Variants in SNTG1 observed in about 807,000 individuals in gnomAD.
SNTG1 encodes the protein syntrophin gamma 1.
Under a neutral mutation model 74.7 loss-of-function variants are expected in SNTG1, and 39 were observed. That is an observed-to-expected ratio of 0.52 (90% confidence interval 0.40 to 0.68). SNTG1 has a LOEUF of 0.68. Among genes scored for constraint, SNTG1 ranks in the 30% least tolerant of loss-of-function variants. SNTG1 has a pLI of 0.00. For synonymous variants in SNTG1, 254 were observed against 217.1 expected (o/e 1.17, Z -1.49); for missense variants, 685 against 609.5 (o/e 1.12, Z -1.30).
intron 1 of SNTG1, among the ~76,000 whole-genome samples, chr8:50,079,742 A>G (rs999015751): frequency 6.6e-6 from 1 of 152,064 alleles, no homozygotes; most frequent in Non-Finnish European, 1.5e-5. Flanking sequence ...ATTTTTGTAT[A>G]AGTATAAGAA....
At chr8:50,751,976 AC>A (rs1336435930) in intron 17 of SNTG1, 24 bp from the exon 18 acceptor site, 1 of 1,356,360 alleles carries the variant, frequency 7.4e-7, no homozygotes, top group African/African-American at 2.0e-5. Flanking sequence ...CCACCGACTT[AC>A]ATTGTTTTTT....
At chr8:50,127,720 A>G (rs1271768527) in intron 1 of SNTG1, among the ~76,000 whole-genome samples, 3 of 152,210 alleles carry the variant, frequency 2.0e-5, no homozygotes, top group Non-Finnish European at 2.9e-5. Flanking sequence ...CAAACAGGAT[A>G]TATTTCCAAA....
chr8:50,740,475 C>A lies in SNTG1; in HGVS notation c.1285-11526C>A, dbSNP rs868119604. 3.3e-3 allele frequency among the ~76,000 whole-genome samples: 500 copies of A among 150,914 alleles called. 1 individual carries two copies. Among genetic ancestry groups the A allele is most frequent in the Middle Eastern group, 6.9e-3 (2 of 288 alleles). On this transcript the variant is annotated intron_variant, in intron 17 of 18. Coordinates refer to ENST00000642720, the MANE Select transcript of SNTG1 (RefSeq NM_018967.5). Reference sequence around the variant, plus strand: ...GGCTACCATTAGAAACAAAACAAAACAAAACAAAACAAAAACAATGCTGAC... The same window carrying A: ...GGCTACCATTAGAAACAAAACAAAAAAAAACAAAACAAAAACAATGCTGAC...
intron 1 of SNTG1, among the ~76,000 whole-genome samples, chr8:50,093,529 T>C (rs1209183227): frequency 1.3e-5 from 2 of 152,114 alleles, no homozygotes; most frequent in East Asian, 3.9e-4. Flanking sequence ...GCAACCAAAA[T>C]TCCATGTGGA....
intron 2 of SNTG1, among the ~76,000 whole-genome samples, chr8:50,313,371 A>C (rs2090189797): frequency 6.7e-6 from 1 of 149,834 alleles, no homozygotes; most frequent in South Asian, 2.2e-4. Context: ...TTAACAGGGC[A>C]GAAAGACAAC....
intron 1 of SNTG1, among the ~76,000 whole-genome samples, chr8:49,951,873 C>CAAAAAAAAAA (rs5891338): frequency 2.5e-3 from 140 of 56,296 alleles, no homozygotes; most frequent in East Asian, 3.2e-3. Flanking sequence ...GGAAAATTCA[C>CAAAAAAAAAA]AAAAAAAAAA....
intron 11 of SNTG1, among the ~76,000 whole-genome samples, chr8:50,547,224 C>G (rs1168531564): frequency 6.6e-6 from 1 of 152,154 alleles, no homozygotes; most frequent in African/African-American, 2.4e-5. Flanking sequence ...TGATTGCATT[C>G]CACTTCACAG....
Position 50,269,848 on chromosome 8 carries a change from C to T in SNTG1, c.-28+97213C>T, listed in dbSNP as rs145752526. ...AGTATGTGGGGAGTTACATAAAAGACGTATACACATTTACTCTATGAGCTT... is the reference window on the plus strand; with the variant it reads ...AGTATGTGGGGAGTTACATAAAAGATGTATACACATTTACTCTATGAGCTT... On this transcript the variant is annotated intron_variant, in intron 2 of 18. Coordinates refer to ENST00000642720, the MANE Select transcript of SNTG1 (RefSeq NM_018967.5). Among the ~76,000 whole-genome samples the T allele has an allele frequency of 5.4e-3, 824 of 152,022 alleles. 10 individuals carry two copies. The highest frequency in any genetic ancestry group is 0.019 in the African/African-American group (782 of 41,470).
intron 1 of SNTG1, among the ~76,000 whole-genome samples, chr8:50,043,332 C>T (rs1818802103): frequency 6.6e-6 from 1 of 152,170 alleles, no homozygotes; most frequent in Non-Finnish European, 1.5e-5. Flanking sequence ...GGAATTATTT[C>T]TTGCATAGCA....
chr8:50,386,595 G>A (rs916388498), intron 2 of SNTG1, among the ~76,000 whole-genome samples: 9 of 152,062 alleles, frequency 5.9e-5, no homozygotes, highest in African/African-American at 2.2e-4. Context: ...TTGACTCATG[G>A]TTCTGCAGGC....
chr8:50,289,854 T>G (rs1408901716), intron 2 of SNTG1, among the ~76,000 whole-genome samples: 1 of 152,162 alleles, frequency 6.6e-6, no homozygotes, highest in Non-Finnish European at 1.5e-5. Context: ...GTCCTCCACC[T>G]TCCTTTGGGA....
rs79773073 is a variant in SNTG1, at chr8:50,702,460, A to G, written c.1039-2140A>G. 6.2e-4 allele frequency among the ~76,000 whole-genome samples: 94 copies of G among 152,274 alleles called. 1 individual carries two copies. In the East Asian group the frequency reaches 0.017, roughly 28 times the overall value. Reference sequence around the variant, plus strand: ...AAATGCCTTCCATTAGCTCTCTTCCAGCAATTATAAGAATGCAAGCAGGAA... The same window carrying G: ...AAATGCCTTCCATTAGCTCTCTTCCGGCAATTATAAGAATGCAAGCAGGAA... On this transcript the variant is annotated intron_variant, in intron 15 of 18. Transcript: ENST00000642720.
At chr8:50,081,608 C>T (rs1198819302) in intron 1 of SNTG1, among the ~76,000 whole-genome samples, 4 of 151,816 alleles carry the variant, frequency 2.6e-5, no homozygotes, top group African/African-American at 9.7e-5. Flanking sequence ...GGCCTGTTCA[C>T]TTCGTTTTTT....
At chr8:50,037,721 A>T (rs16914213) in intron 1 of SNTG1, among the ~76,000 whole-genome samples, 4 of 152,330 alleles carry the variant, frequency 2.6e-5, no homozygotes, top group African/African-American at 9.6e-5. Context: ...AGTTACAAAC[A>T]TTGGGCTAGT....
intron 1 of SNTG1, among the ~76,000 whole-genome samples, chr8:50,023,888 C>G (rs917809089): frequency 6.6e-6 from 1 of 152,126 alleles, no homozygotes; most frequent in African/African-American, 2.4e-5. Flanking sequence ...GTGCCTGAGG[C>G]CTTCTGACCA....
chr8:50,226,174 A>AT (rs1276591722), intron 2 of SNTG1, among the ~76,000 whole-genome samples: 7 of 152,190 alleles, frequency 4.6e-5, no homozygotes, highest in African/African-American at 1.7e-4. Context: ...CTAAGCTCTG[A>AT]TTTTTTTATC....
At chr8:50,093,569 T>G (rs203898) in intron 1 of SNTG1, among the ~76,000 whole-genome samples, 131,519 of 151,996 alleles carry the variant, frequency 0.87, 57,040 homozygotes, top group East Asian at 0.99. Flanking sequence ...TAGAACTTCA[T>G]TCCTGCCTGA....
chr8:50,095,395 G>A (rs2079890233), intron 1 of SNTG1, among the ~76,000 whole-genome samples: 1 of 152,180 alleles, frequency 6.6e-6, no homozygotes, highest in African/African-American at 2.4e-5. Context: ...ATTTAGATAT[G>A]TGAATGACAG....
intron 1 of SNTG1, among the ~76,000 whole-genome samples, chr8:50,081,183 A>T (rs1360922257): frequency 6.6e-6 from 1 of 152,126 alleles, no homozygotes; most frequent in African/African-American, 2.4e-5. Flanking sequence ...GTTTTTTTCC[A>T]AAAATATTTA....
Sources: gnomAD v4.1 joint callset for allele counts (sites outside exome capture counted in the v4.1 genomes callset) on GRCh38, gnomAD v4.1.1 for gene constraint, MANE v1.5 for transcripts, NCBI Gene and HGNC (gene_info 2026-07-23, HGNC 2026-07-21) for gene names.